The following PTPN9 variants were observed in gnomAD, a reference collection of about 807,000 sequenced individuals.
PTPN9 encodes protein tyrosine phosphatase non-receptor type 9.
In PTPN9, 26 loss-of-function variants were observed where a neutral mutation model predicts 69.8. The ratio of observed to expected loss-of-function variants is 0.37; its 90% CI spans 0.27 to 0.52. PTPN9 has a LOEUF of 0.52. PTPN9 is among the 20% of genes least tolerant of loss of function. PTPN9 has a pLI of 0.91. For synonymous variants in PTPN9, 274 were observed against 272.5 expected (o/e 1.01, Z -0.05); for missense variants, 549 against 740.3 (o/e 0.74, Z 3.00).
In PTPN9 at chr15:75,479,873, C is replaced by A. The variant is rs758355506; in HGVS notation, c.1104G>T (p.Gln368His). Reference protein sequence around the residue: ...INASFMDGYKQKNAYIGTQGP... With the variant: ...INASFMDGYKHKNAYIGTQGP... ...CTTGTGTGCCAATGTAAGCATTCTT[C>A]TGCTTGTAGCCATCCATGAAACTGG... The change falls in exon 9 of 13, where the codon CAG becomes CAT. Residue 368 changes from glutamine (Q) to histidine (H), a missense_variant. By Grantham distance (24) the Gln-to-His change is conservative. Transcript: ENST00000618819. The A allele has an allele frequency of 1.9e-6, 3 of 1,611,190 alleles. No individual in the cohort carries two copies. Among genetic ancestry groups the A allele is most frequent in the Non-Finnish European group, 2.5e-6 (3 of 1,178,790 alleles).
intron 8 of PTPN9, among the ~76,000 whole-genome samples, chr15:75,481,937 A>ACCACCC (rs2074638406): frequency 6.9e-6 from 1 of 145,014 alleles, no homozygotes; most frequent in Non-Finnish European, 1.5e-5. Flanking sequence ...CTGCCCGGCC[A>ACCACCC]CCACCCCGTC....
chr15:75,528,544 C>T (rs1017861847), intron 1 of PTPN9, among the ~76,000 whole-genome samples: 1 of 151,826 alleles, frequency 6.6e-6, no homozygotes, highest in African/African-American at 2.4e-5. Context: ...TATGTCATCA[C>T]ACCCAGTAAT....
intron 1 of PTPN9, among the ~76,000 whole-genome samples, chr15:75,569,854 G>T (rs1483215871): frequency 6.6e-6 from 1 of 151,414 alleles, no homozygotes; most frequent in Non-Finnish European, 1.5e-5. Flanking sequence ...ATGGATTCTC[G>T]CTTTGTCACC....
chr15:75,490,375 G>T, intron 7 of PTPN9, 74 bp from the exon 8 acceptor site: 1 of 1,042,374 alleles, frequency 9.6e-7, no homozygotes, highest in Non-Finnish European at 1.5e-6. Flanking sequence ...ATCTGACCAT[G>T]CTAAAGGGGT....
At chr15:75,543,402 CA>C (rs2075017700) in intron 1 of PTPN9, among the ~76,000 whole-genome samples, 1 of 152,174 alleles carries the variant, frequency 6.6e-6, no homozygotes, top group South Asian at 2.1e-4. Context: ...AGAGCCGAAG[CA>C]AACTGTCCAA....
intron 12 of PTPN9, 42 bp downstream of exon 12, chr15:75,469,750 T>A: frequency 6.3e-7 from 1 of 1,594,560 alleles, no homozygotes; most frequent in Non-Finnish European, 8.6e-7. Context: ...CGTCCACCCC[T>A]ACTGCCCCTG....
chr15:75,492,616 G>C (rs775936611), intron 7 of PTPN9, among the ~76,000 whole-genome samples: 1 of 152,176 alleles, frequency 6.6e-6, no homozygotes, highest in Admixed American at 6.6e-5. Flanking sequence ...AAAGTAAACA[G>C]CATCAGGTGA....
At chr15:75,548,748 G>A (rs772663281) in intron 1 of PTPN9, among the ~76,000 whole-genome samples, 1 of 148,898 alleles carries the variant, frequency 6.7e-6, no homozygotes, top group Admixed American at 6.7e-5. Flanking sequence ...CTGCCACCAG[G>A]GTTCACGCCA....
At chr15:75,537,702 C>A (rs2074989513) in intron 1 of PTPN9, among the ~76,000 whole-genome samples, 1 of 136,624 alleles carries the variant, frequency 7.3e-6, no homozygotes, top group Non-Finnish European at 1.5e-5. Flanking sequence ...TTGCAGTGAG[C>A]CGAGATGGTG....
chr15:75,534,037 G>A (rs1382523991), intron 1 of PTPN9, among the ~76,000 whole-genome samples: 1 of 152,146 alleles, frequency 6.6e-6, no homozygotes, highest in Non-Finnish European at 1.5e-5. Context: ...AGCAACAAAG[G>A]AGAAAGTTTA....
chr15:75,543,591 T>G (rs1035646284), intron 1 of PTPN9, among the ~76,000 whole-genome samples: 11 of 152,158 alleles, frequency 7.2e-5, no homozygotes, highest in African/African-American at 2.4e-4. Context: ...AAAATTACTC[T>G]GGAAGAATAA....
chr15:75,554,005 C>CTTTTTTTTTTTT (rs72050060), intron 1 of PTPN9, among the ~76,000 whole-genome samples: 7 of 125,378 alleles, frequency 5.6e-5, no homozygotes, highest in Non-Finnish European at 8.2e-5. Flanking sequence ...TACTTTCTTT[C>CTTTTTTTTTTTT]TTTTTTTTTT....
At chr15:75,489,727 A>G (rs1289675285) in intron 8 of PTPN9, among the ~76,000 whole-genome samples, 2 of 152,254 alleles carry the variant, frequency 1.3e-5, no homozygotes, top group African/African-American at 4.8e-5. Context: ...AATCAAATTA[A>G]TATATTAAAT....
intron 6 of PTPN9, among the ~76,000 whole-genome samples, chr15:75,506,272 T>A (rs1009174062): frequency 6.6e-6 from 1 of 152,194 alleles, no homozygotes; most frequent in Non-Finnish European, 1.5e-5. Context: ...GAAAGGACGA[T>A]GTAGTGAACA....
intron 1 of PTPN9, among the ~76,000 whole-genome samples, chr15:75,567,995 CAA>C (rs200988084): frequency 1.1e-4 from 11 of 96,006 alleles, no homozygotes; most frequent in Admixed American, 2.4e-4. Context: ...GACTCCGTCT[CAA>C]AAAAAAAAAA....
At chr15:75,530,494 ATAT>A (rs1239178248) in intron 1 of PTPN9, among the ~76,000 whole-genome samples, 2 of 91,588 alleles carry the variant, frequency 2.2e-5, no homozygotes, top group African/African-American at 8.9e-5. Context: ...ATATTATAAT[ATAT>A]TATATTATAA....
chr15:75,470,625 A>T, intron 11 of PTPN9, 55 bp downstream of exon 11: 1 of 1,573,512 alleles, frequency 6.4e-7, no homozygotes, highest in Non-Finnish European at 8.7e-7. Flanking sequence ...TTTTCATTAC[A>T]GTAATTATTC....
intron 1 of PTPN9, among the ~76,000 whole-genome samples, chr15:75,546,315 T>A (rs543235499): frequency 6.6e-6 from 1 of 152,126 alleles, no homozygotes; most frequent in Admixed American, 6.6e-5. Flanking sequence ...TTGACTCAGA[T>A]CCCAAAATTG....
intron 1 of PTPN9, among the ~76,000 whole-genome samples, chr15:75,539,569 G>C (rs1015317166): frequency 2.0e-5 from 3 of 152,004 alleles, no homozygotes; most frequent in African/African-American, 7.3e-5. Flanking sequence ...GCCTCCCAAA[G>C]TGCTGGGATT....
Sources: allele counts gnomAD v4.1 joint callset (sites outside exome capture counted in the v4.1 genomes callset), GRCh38; gene constraint gnomAD v4.1.1; transcripts MANE v1.5; gene names NCBI Gene and HGNC (gene_info 2026-07-23, HGNC 2026-07-21).